Variants in LRP8 observed in about 807,000 individuals in gnomAD.
The protein encoded by LRP8 is LDL receptor related protein 8.
LRP8 carries 46 observed loss-of-function variants against 111.6 expected under a neutral mutation model. The observed-to-expected ratio is 0.41, with a 90% CI of 0.33 to 0.53. The LOEUF is 0.53. LRP8 is among the 20% of genes least tolerant of loss of function. The pLI is 0.20. For synonymous variants in LRP8, 464 were observed against 511.2 expected (o/e 0.91, Z 1.24); for missense variants, 959 against 1,297.4 (o/e 0.74, Z 4.01).
chr1:53,326,520 G>A (rs1358096608), intron 2 of LRP8, among the ~76,000 whole-genome samples: 1 of 152,262 alleles, frequency 6.6e-6, no homozygotes, highest in African/African-American at 2.4e-5. Flanking sequence ...GCCGAGGCAA[G>A]AGTCCGAGAG....
In LRP8 at chr1:53,302,697, C is replaced by CTTTT. The variant is rs35419399; in HGVS notation, c.245-13012_245-13009dup. Among the ~76,000 whole-genome samples, 247 of 141,820 alleles carry CTTTT rather than the reference C, an allele frequency of 1.7e-3. 3 individuals carry two copies. The highest frequency in any genetic ancestry group is 5.9e-3 in the African/African-American group (226 of 38,154). The allele number at this position is 141,820 out of a possible 152,430, so 93.0% of individuals were successfully genotyped here. The stretch of plus-strand genomic sequence containing the variant: ...CATATGACCTTGGGCCAATCAATGC[C>CTTTT]TTTTTTTTTTTTTTGGAGACAGGGT... On this transcript the variant is annotated intron_variant, in intron 2 of 18. Coordinates refer to ENST00000306052, the MANE Select transcript of LRP8 (RefSeq NM_004631.5).
intron 2 of LRP8, among the ~76,000 whole-genome samples, chr1:53,313,107 G>C (rs185564656): frequency 6.6e-6 from 1 of 152,296 alleles, no homozygotes; most frequent in East Asian, 1.9e-4. Context: ...TAACAGGGAA[G>C]GGTCTTGGGT....
Position 53,326,948 on chromosome 1 carries a change from C to G in LRP8, c.169G>C (p.Glu57Gln). The change falls in exon 2 of 19, where the codon GAG (glutamate) becomes CAG (glutamine). Residue 57 changes from glutamate to glutamine, a missense_variant. By Grantham distance (29) the Glu-to-Gln change is conservative (BLOSUM62 2). This residue lies in a region of LRP8 where 97 missense variants were observed against 107.5 expected (regional missense o/e 0.90). Transcript: ENST00000306052. ...CEKDQFQCRN[E>Q]RCIPSVWRCD... Reference sequence around the variant, plus strand: ...CTCCACACAGAGGGGATGCAGCGCTCGTTCCGGCACTGGAATTGGTCCTTT... The same window carrying G: ...CTCCACACAGAGGGGATGCAGCGCTGGTTCCGGCACTGGAATTGGTCCTTT... The G allele has an allele frequency of 6.2e-7, 1 of 1,613,888 alleles. No individual in the cohort carries two copies. The highest frequency in any genetic ancestry group is 8.5e-7 in the Non-Finnish European group (1 of 1,180,000).
chr1:53,275,813 C>T lies in LRP8; in HGVS notation c.884-60G>A. On this transcript the variant is annotated intron_variant, in intron 5 of 18. Transcript: ENST00000306052. This position sits in a 1 kb window ranked among gnomAD's most constrained non-coding sequence, Gnocchi z 4.4. ...CAGTGTGGTGCTAGGACAATTTCCC[C>T]ACCACCCCAATCCCCATGCCATAGC... is the stretch of plus-strand genomic sequence containing the variant. 5 of 1,579,164 alleles carry T rather than the reference C, an allele frequency of 3.2e-6. No individual in the cohort carries two copies. The highest frequency in any genetic ancestry group is 4.3e-6 in the Non-Finnish European group (5 of 1,161,174).
chr1:53,245,602 A>G lies in LRP8; in HGVS notation c.*1416T>C, dbSNP rs1645707617. On this transcript the variant is annotated 3_prime_UTR_variant, in exon 19 of 19. Coordinates refer to ENST00000306052, the MANE Select transcript of LRP8 (RefSeq NM_004631.5). ...GTAAACCAAATTCCTGTGTGAACAT[A>G]AATATCCAATATAATATAATATTGC... 6.6e-6 allele frequency: 1 copy of G among 152,330 alleles called. No individual in the cohort carries two copies. Among genetic ancestry groups the G allele is most frequent in the African/African-American group, 2.4e-5 (1 of 41,450 alleles). 9.4% of individuals were successfully genotyped at this position (152,330 alleles called of 1,614,324 possible).
chr1:53,261,171 C>T (rs993718583), intron 12 of LRP8, among the ~76,000 whole-genome samples: 1 of 152,178 alleles, frequency 6.6e-6, no homozygotes, highest in Non-Finnish European at 1.5e-5. Flanking sequence ...AGTCTATATA[C>T]ATCTTGGTAT....
chr1:53,253,592 T>C (rs1471630959), intron 16 of LRP8, among the ~76,000 whole-genome samples: 6 of 152,132 alleles, frequency 3.9e-5, no homozygotes, highest in African/African-American at 1.2e-4. Context: ...TCAGAGTGAG[T>C]TATGTCAGCA....
intron 13 of LRP8, among the ~76,000 whole-genome samples, chr1:53,259,170 A>G (rs1316114458): frequency 6.6e-6 from 1 of 152,216 alleles, no homozygotes; most frequent in Non-Finnish European, 1.5e-5. Context: ...TAAGTGCAGC[A>G]GTGCAATCAT....
intron 2 of LRP8, among the ~76,000 whole-genome samples, chr1:53,321,777 G>T (rs1029919385): frequency 6.6e-6 from 1 of 152,146 alleles, no homozygotes. Flanking sequence ...TGCCATGGGG[G>T]ATGCAGGCCC....
At chr1:53,307,699 A>G (rs1652242601) in intron 2 of LRP8, among the ~76,000 whole-genome samples, 3 of 152,372 alleles carry the variant, frequency 2.0e-5, no homozygotes, top group South Asian at 4.1e-4. Context: ...ACAAATATGC[A>G]TAGATTTTCT....
At chr1:53,271,454 A>G in intron 6 of LRP8, 108 bp from the exon 7 acceptor site, 1 of 1,291,744 alleles carries the variant, frequency 7.7e-7, no homozygotes, top group South Asian at 1.3e-5. Flanking sequence ...TGGGACTCCC[A>G]TAGAGGCAGG....
intron 2 of LRP8, among the ~76,000 whole-genome samples, chr1:53,312,652 C>T (rs569329726): frequency 3.9e-5 from 6 of 152,006 alleles, no homozygotes; most frequent in Non-Finnish European, 8.8e-5. Flanking sequence ...AGCCACTGTG[C>T]CTGGCCTTTT....
In LRP8 at chr1:53,245,846, T is replaced by A. The variant is rs903225823; in HGVS notation, c.*1172A>T. ...ACCATCTTTATCTTCATCCACAGCATGTCCTAGACATTCAGTGCCTGGGCC... is the reference window on the plus strand; with the variant it reads ...ACCATCTTTATCTTCATCCACAGCAAGTCCTAGACATTCAGTGCCTGGGCC... On this transcript the variant is annotated 3_prime_UTR_variant, in exon 19 of 19. Transcript: ENST00000306052. The A allele has an allele frequency of 1.3e-5, 2 of 152,652 alleles. No homozygotes were observed. The highest frequency in any genetic ancestry group is 4.8e-5 in the African/African-American group (2 of 41,450). The allele number at this position is 152,652 out of a possible 1,614,324, so 9.5% of individuals were successfully genotyped here.
intron 12 of LRP8, 47 bp from the exon 13 acceptor site, chr1:53,260,652 A>T: frequency 6.3e-7 from 1 of 1,595,706 alleles, no homozygotes; most frequent in Non-Finnish European, 8.6e-7. Flanking sequence ...GTGTAAATCC[A>T]TGACCTCAGT....
Position 53,276,961 on chromosome 1 carries a change from G to A in LRP8, c.614C>T (p.Ala205Val). Residue 205 changes from alanine to valine, a missense_variant, in exon 5 of 19, where the codon GCC (alanine) becomes GTC (valine). By Grantham distance (64) the Ala-to-Val change is moderately conservative. This residue lies in a region of LRP8 where 819 missense variants were observed against 1,097.6 expected (regional missense o/e 0.75). Coordinates refer to ENST00000306052, the MANE Select transcript of LRP8 (RefSeq NM_004631.5). ...GSDERGCADP[A>V]CGPREFRCGG... ...GCAGCGGAACTCGCGGGGCCCGCAG[G>A]CCGGGTCTGCACAGCCGCGCTCATC... 1 of 1,485,072 alleles carries A rather than the reference G, an allele frequency of 6.7e-7. No homozygotes were observed. Among genetic ancestry groups the A allele is most frequent in the Admixed American group, 2.2e-5 (1 of 46,480 alleles). The allele number at this position is 1,485,072 out of a possible 1,614,324, so 92.0% of individuals were successfully genotyped here.
At chr1:53,327,635 G>C (rs1056458005) in intron 1 of LRP8, among the ~76,000 whole-genome samples, 154 bp downstream of exon 1, 4 of 152,176 alleles carry the variant, frequency 2.6e-5, no homozygotes, top group South Asian at 2.1e-4. Flanking sequence ...GGGGCCGAGG[G>C]CAAATTCAGG....
chr1:53,276,721 C>A lies in LRP8; in HGVS notation c.854G>T (p.Cys285Phe). Residue 285 changes from cysteine (C) to phenylalanine (F), a missense_variant, in exon 5 of 19, where the codon TGC becomes TTC. Cys to Phe is a radical substitution (Grantham distance 205). Around this residue, in one of 3 missense-constraint regions of LRP8, gnomAD observed 819 missense variants for 1,097.6 expected, o/e 0.75. Coordinates refer to ENST00000306052, the MANE Select transcript of LRP8 (RefSeq NM_004631.5). ...GTCGGCCTCGTCCGATTTGTCTTTG[C>A]AGTCGCGGTCGCCGTCGCAGCGCCA... ...LGWRCDGDRDCKDKSDEADCP... is the reference protein window; with the variant it reads ...LGWRCDGDRDFKDKSDEADCP... 6.5e-7 allele frequency: 1 copy of A among 1,530,854 alleles called. No homozygotes were observed. Among genetic ancestry groups the A allele is most frequent in the Non-Finnish European group, 8.8e-7 (1 of 1,141,986 alleles). The allele number at this position is 1,530,854 out of a possible 1,614,324, so 94.8% of individuals were successfully genotyped here. A position where few individuals can be genotyped will look rare whatever the true frequency, so the allele number is the denominator to read the frequency against.
chr1:53,260,998 G>A (rs1646314766), intron 12 of LRP8, among the ~76,000 whole-genome samples: 1 of 152,130 alleles, frequency 6.6e-6, no homozygotes, highest in Non-Finnish European at 1.5e-5. Context: ...TGTAGCCTCT[G>A]GGTATCCACA....
At chr1:53,256,700 C>T (rs1019307204) in intron 15 of LRP8, among the ~76,000 whole-genome samples, 4 of 152,206 alleles carry the variant, frequency 2.6e-5, no homozygotes. Context: ...TTACTGCTCC[C>T]AATGATTTAA....
Sources: gnomAD v4.1 joint callset for allele counts (sites outside exome capture counted in the v4.1 genomes callset) on GRCh38, gnomAD v4.1.1 for gene constraint, gnomAD v4.1.1 regional missense constraint, Gnocchi (gnomAD v3.1) non-coding constraint, MANE v1.5 for transcripts, NCBI Gene and HGNC (gene_info 2026-07-23, HGNC 2026-07-21) for gene names.